The following SAMD12 variants were observed in gnomAD, a reference collection of about 807,000 sequenced individuals.
SAMD12 encodes the protein sterile alpha motif domain-containing protein 12.
SAMD12 carries 9 observed loss-of-function variants against 15.0 expected under a neutral mutation model. That is an observed-to-expected ratio of 0.60 (90% CI 0.36 to 1.05). SAMD12 has a LOEUF of 1.05. Ranked by LOEUF, SAMD12 falls within the 50% of genes least tolerant of loss-of-function variation. The pLI is 0.01. For synonymous variants in SAMD12, 86 were observed against 90.1 expected, an observed-to-expected ratio of 0.96 and a Z score of 0.25; for missense variants, 230 against 234.2, an observed-to-expected ratio of 0.98 and a Z score of 0.12.
chr8:118,423,234 G>C (rs543513952), intron 3 of SAMD12, among the ~76,000 whole-genome samples: 1 of 152,170 alleles, frequency 6.6e-6, no homozygotes, highest in African/African-American at 2.4e-5. Context: ...CTGTAATGTA[G>C]CTCACAACCT....
At chr8:118,383,344 A>T (rs554502156) in intron 3 of SAMD12, among the ~76,000 whole-genome samples, 1 of 152,324 alleles carries the variant, frequency 6.6e-6, no homozygotes, top group East Asian at 1.9e-4. Flanking sequence ...ATAGGAGCTC[A>T]GAACAGGGTG....
chr8:118,559,928 A>G (rs1220155653), intron 2 of SAMD12, among the ~76,000 whole-genome samples: 1 of 152,246 alleles, frequency 6.6e-6, no homozygotes, highest in Non-Finnish European at 1.5e-5. Context: ...TTAAAAATAA[A>G]GTTTCAAAAA....
At chr8:118,369,123 A>G (rs139408837) in intron 4 of SAMD12, among the ~76,000 whole-genome samples, 16 of 152,324 alleles carry the variant, frequency 1.1e-4, no homozygotes, top group African/African-American at 3.8e-4. Context: ...AGCACACCGG[A>G]TGGAAGAATA....
At chr8:118,395,288 C>G (rs2130768849) in intron 3 of SAMD12, among the ~76,000 whole-genome samples, 1 of 152,204 alleles carries the variant, frequency 6.6e-6, no homozygotes, top group East Asian at 1.9e-4. Context: ...TACCACACTC[C>G]CTCATTCACT....
intron 3 of SAMD12, among the ~76,000 whole-genome samples, chr8:118,431,687 C>T (rs1178244437): frequency 2.7e-5 from 4 of 147,468 alleles, no homozygotes; most frequent in East Asian, 2.0e-4. Flanking sequence ...TTACCTTTGT[C>T]GTGTGTGTGT....
chr8:118,281,377 G>A (rs190755746), intron 4 of SAMD12, among the ~76,000 whole-genome samples: 8 of 152,262 alleles, frequency 5.3e-5, no homozygotes, highest in South Asian at 2.1e-4. Context: ...CAGTGGCTCC[G>A]AGGGCCTGGA....
At chr8:118,161,616 T>G in the SAMD12 span, among the ~76,000 whole-genome samples, 62 of 150,174 alleles carry the variant, frequency 4.1e-4, 1 homozygote, top group South Asian at 8.8e-3. Flanking sequence ...AATCTTACAC[T>G]GGGAGAAAAT....
At chr8:118,525,702 A>C (rs1825518062) in intron 2 of SAMD12, among the ~76,000 whole-genome samples, 1 of 152,166 alleles carries the variant, frequency 6.6e-6, no homozygotes, top group South Asian at 2.1e-4. Context: ...ATGGACAGAC[A>C]AGCTTGAAAT....
At chr8:118,269,157 G>A (rs918706223) in intron 4 of SAMD12, among the ~76,000 whole-genome samples, 1 of 140,830 alleles carries the variant, frequency 7.1e-6, no homozygotes, top group Non-Finnish European at 1.5e-5. Flanking sequence ...TCCATGTCTT[G>A]GTGGATTTAT....
At chr8:118,335,533 T>C (rs992343712) in intron 4 of SAMD12, among the ~76,000 whole-genome samples, 40 of 152,192 alleles carry the variant, frequency 2.6e-4, no homozygotes, top group Admixed American at 2.4e-3. Flanking sequence ...CACTAAATGC[T>C]TTCCCCTTTT....
chr8:118,473,521 T>C (rs1563881916), intron 2 of SAMD12, among the ~76,000 whole-genome samples: 1 of 152,226 alleles, frequency 6.6e-6, no homozygotes, highest in South Asian at 2.1e-4. Context: ...TTTTCTGGAT[T>C]TGCTGCCACC....
intron 4 of SAMD12, among the ~76,000 whole-genome samples, chr8:118,221,926 C>A (rs1389573108): frequency 6.6e-6 from 1 of 152,150 alleles, no homozygotes; most frequent in Non-Finnish European, 1.5e-5. Context: ...CTCCCTCGCA[C>A]CAAGCACAGT....
the SAMD12 span, among the ~76,000 whole-genome samples, chr8:118,167,105 T>C: frequency 3.3e-5 from 5 of 152,162 alleles, no homozygotes; most frequent in Non-Finnish European, 7.4e-5. Context: ...CAGTCCAAGG[T>C]GAAGCATCTT....
At chr8:118,308,305 T>C (rs2130375408) in intron 4 of SAMD12, among the ~76,000 whole-genome samples, 1 of 152,236 alleles carries the variant, frequency 6.6e-6, no homozygotes, top group South Asian at 2.1e-4. Flanking sequence ...ATAATAATTG[T>C]GATGATGGTG....
intron 4 of SAMD12, among the ~76,000 whole-genome samples, chr8:118,352,932 A>G (rs1818030277): frequency 6.6e-6 from 1 of 152,186 alleles, no homozygotes; most frequent in Non-Finnish European, 1.5e-5. Context: ...AAAAAACAAC[A>G]GAAACATTGT....
intron 4 of SAMD12, among the ~76,000 whole-genome samples, chr8:118,305,976 T>C (rs951071907): frequency 6.6e-6 from 1 of 152,172 alleles, no homozygotes; most frequent in Non-Finnish European, 1.5e-5. Context: ...TTCCAGCTCC[T>C]ACTACAACAG....
intron 2 of SAMD12, among the ~76,000 whole-genome samples, chr8:118,451,758 G>A (rs901405709): frequency 2.6e-5 from 4 of 152,132 alleles, no homozygotes; most frequent in Non-Finnish European, 5.9e-5. Flanking sequence ...ATCCATTACG[G>A]TAGGGGGTGG....
intron 4 of SAMD12, among the ~76,000 whole-genome samples, chr8:118,317,608 T>C (rs1815986458): frequency 6.6e-6 from 1 of 152,194 alleles, no homozygotes; most frequent in Admixed American, 6.5e-5. Context: ...CATTTATCTT[T>C]GGGGGACAGT....
At chr8:118,437,976 G>T (rs531396963) in intron 3 of SAMD12, among the ~76,000 whole-genome samples, 5 of 152,026 alleles carry the variant, frequency 3.3e-5, no homozygotes, top group African/African-American at 1.2e-4. Context: ...CATTACTATC[G>T]CACAGGCATT....
Sources: allele counts gnomAD v4.1 joint callset (sites outside exome capture counted in the v4.1 genomes callset), GRCh38; gene constraint gnomAD v4.1.1; transcripts MANE v1.5; gene names NCBI Gene and HGNC (gene_info 2026-07-23, HGNC 2026-07-21).